Variants in PARN observed in about 807,000 individuals in gnomAD.
PARN encodes the protein poly(A)-specific ribonuclease, also known as poly(A)-specific ribonuclease PARN.
In PARN, 71 loss-of-function variants were observed where a neutral mutation model predicts 102.8. The observed-to-expected ratio is 0.69, with a 90% CI of 0.57 to 0.84. The LOEUF (loss-of-function observed/expected upper bound fraction) is 0.84, where lower values mean the gene tolerates loss of function less well. PARN is among the 40% of genes least tolerant of loss of function. The pLI, the probability that PARN is intolerant of heterozygous loss-of-function variation, is 0.00. For missense variants in PARN, 782 were observed against 760.9 expected, an observed-to-expected ratio of 1.03 and a Z score of -0.33; for synonymous variants, 261 against 252.9, an observed-to-expected ratio of 1.03 and a Z score of -0.30.
At chr16:14,557,929 C>G (rs1967800549) in intron 18 of PARN, among the ~76,000 whole-genome samples, 1 of 152,170 alleles carries the variant, frequency 6.6e-6, no homozygotes. Context: ...ACGATACACA[C>G]TGGAACTATC....
chr16:14,539,509 A>C (rs1596614217), intron 21 of PARN, among the ~76,000 whole-genome samples: 1 of 152,384 alleles, frequency 6.6e-6, no homozygotes, highest in Non-Finnish European at 1.5e-5. Flanking sequence ...GCAGAGATAC[A>C]TAAGACGGCT....
At chr16:14,609,969 T>C (rs1309656101) in intron 7 of PARN, among the ~76,000 whole-genome samples, 2 of 152,078 alleles carry the variant, frequency 1.3e-5, no homozygotes, top group African/African-American at 2.4e-5. Context: ...CCCAGCGCTC[T>C]GGGAGGCTGA....
At chr16:14,627,513 T>C (rs1404371437) in intron 3 of PARN, among the ~76,000 whole-genome samples, 177 bp from the exon 4 acceptor site, 7 of 152,242 alleles carry the variant, frequency 4.6e-5, no homozygotes, top group Non-Finnish European at 8.8e-5. Context: ...CATTTCATAA[T>C]ACTTTTCCCA....
chr16:14,525,725 T>C (rs1448274534), intron 21 of PARN, among the ~76,000 whole-genome samples: 1 of 152,180 alleles, frequency 6.6e-6, no homozygotes, highest in African/African-American at 2.4e-5. Context: ...TCCTTAATTG[T>C]AGGCTCCACC....
chr16:14,474,538 A>C (rs937544599), intron 22 of PARN, among the ~76,000 whole-genome samples: 26 of 152,182 alleles, frequency 1.7e-4, no homozygotes, highest in African/African-American at 5.8e-4. Context: ...TGTGCACAAT[A>C]TAAAAGCATT....
At chr16:14,582,388 C>T (rs1227916410) in intron 16 of PARN, 97 bp from the exon 17 acceptor site, 1 of 771,846 alleles carries the variant, frequency 1.3e-6, no homozygotes, top group Non-Finnish European at 2.3e-6. Context: ...AGAGAAATAC[C>T]CTAAATAGGC....
intron 8 of PARN, among the ~76,000 whole-genome samples, chr16:14,608,751 T>C (rs1406690630): frequency 1.3e-5 from 2 of 152,222 alleles, no homozygotes; most frequent in Admixed American, 6.5e-5. Context: ...TTCTTTCTTC[T>C]GAAGCCTTCA....
chr16:14,554,635 G>T (rs563020504), intron 19 of PARN, among the ~76,000 whole-genome samples: 2 of 151,382 alleles, frequency 1.3e-5, no homozygotes, highest in African/African-American at 2.4e-5. Flanking sequence ...TAGAGATGGG[G>T]GTCTCGCTAT....
intron 20 of PARN, among the ~76,000 whole-genome samples, chr16:14,553,346 C>T (rs1046753803): frequency 1.3e-5 from 2 of 151,102 alleles, no homozygotes; most frequent in African/African-American, 4.9e-5. Flanking sequence ...TTACTCTAAA[C>T]GTTAAAATAC....
intron 5 of PARN, among the ~76,000 whole-genome samples, chr16:14,623,606 G>A (rs894074856): frequency 6.6e-6 from 1 of 151,920 alleles, no homozygotes; most frequent in African/African-American, 2.4e-5. Flanking sequence ...GAAGGCCAAG[G>A]CGGGTGGATC....
At chr16:14,538,078 T>C (rs1179057225) in intron 21 of PARN, among the ~76,000 whole-genome samples, 1 of 152,058 alleles carries the variant, frequency 6.6e-6, no homozygotes, top group Non-Finnish European at 1.5e-5. Flanking sequence ...TGATCATGTG[T>C]CAACTAAAAT....
intron 21 of PARN, among the ~76,000 whole-genome samples, chr16:14,491,122 G>A (rs1964036510): frequency 6.6e-6 from 1 of 151,706 alleles, no homozygotes; most frequent in South Asian, 2.1e-4. Flanking sequence ...GCCCAAAGAA[G>A]TAAAAATGGG....
At chr16:14,562,543 C>G (rs998401778) in intron 18 of PARN, among the ~76,000 whole-genome samples, 3 of 151,896 alleles carry the variant, frequency 2.0e-5, no homozygotes, top group Non-Finnish European at 4.4e-5. Context: ...TTCTACCACT[C>G]CTTGAAACCA....
At chr16:14,490,032 C>T (rs142926487) in intron 21 of PARN, among the ~76,000 whole-genome samples, 28 of 152,256 alleles carry the variant, frequency 1.8e-4, no homozygotes, top group Non-Finnish European at 3.8e-4. Context: ...GCCAGGCATG[C>T]CTGTAGTCCC....
At chr16:14,568,215 T>A (rs1465674888) in intron 18 of PARN, among the ~76,000 whole-genome samples, 6 of 94,796 alleles carry the variant, frequency 6.3e-5, no homozygotes, top group Admixed American at 4.1e-4. Context: ...TATTTTTACC[T>A]TTTTTTTTTT....
chr16:14,533,251 T>C lies in PARN; in HGVS notation c.1480+18770A>G, dbSNP rs560622729. Among the ~76,000 whole-genome samples, 582 of 152,032 alleles carry C rather than the reference T, an allele frequency of 3.8e-3. 2 individuals carry two copies. The highest frequency in any genetic ancestry group is 0.01 in the Middle Eastern group (3 of 294). On this transcript the variant is annotated intron_variant, in intron 21 of 23. Transcript: ENST00000437198. ...AAACCCCGTCTCCACCAAAAAAATATGAAAACCAGTCAGGCGTGGCGGCGC... is the reference window on the plus strand; with the variant it reads ...AAACCCCGTCTCCACCAAAAAAATACGAAAACCAGTCAGGCGTGGCGGCGC...
intron 21 of PARN, among the ~76,000 whole-genome samples, chr16:14,510,808 G>T (rs763939007): frequency 2.0e-5 from 3 of 152,204 alleles, no homozygotes; most frequent in African/African-American, 4.8e-5. Flanking sequence ...TGCAGGCAAT[G>T]CTTATCACCT....
chr16:14,447,397 G>A (rs1961251046), intron 22 of PARN, among the ~76,000 whole-genome samples: 1 of 152,212 alleles, frequency 6.6e-6, no homozygotes. Flanking sequence ...TAACAGAATA[G>A]TAGAATAGAA....
chr16:14,507,687 G>A (rs1964969652), intron 21 of PARN, among the ~76,000 whole-genome samples: 2 of 151,802 alleles, frequency 1.3e-5, no homozygotes, highest in Admixed American at 6.6e-5. Flanking sequence ...AAAAAAAAAA[G>A]AGGCCAAGTG....
Sources: gnomAD v4.1 joint callset for allele counts (sites outside exome capture counted in the v4.1 genomes callset) on GRCh38, gnomAD v4.1.1 for gene constraint, MANE v1.5 for transcripts, NCBI Gene and HGNC (gene_info 2026-07-23, HGNC 2026-07-21) for gene names.